Variants in KCNMA1 observed in about 807,000 individuals in gnomAD.
KCNMA1 encodes the protein Calcium-activated potassium channel subunit alpha-1.
In KCNMA1, 29 loss-of-function variants were observed where a neutral mutation model predicts 140.0. That is an observed-to-expected ratio of 0.21 (90% CI 0.15 to 0.28). The LOEUF is 0.28. Ranked by LOEUF, KCNMA1 falls within the 10% of genes least tolerant of loss-of-function variation. The probability of loss-of-function intolerance (pLI) is 1.00; values close to 1 mark genes in which losing one functional copy is unlikely to be tolerated. For synonymous variants in KCNMA1, 612 were observed against 611.9 expected, an observed-to-expected ratio of 1.00 and a Z score of 0.00; for missense variants, 880 against 1,602.2, an observed-to-expected ratio of 0.55 and a Z score of 7.70.
chr10:77,153,045 C>T (rs1031179111), intron 5 of KCNMA1, among the ~76,000 whole-genome samples: 1 of 152,154 alleles, frequency 6.6e-6, no homozygotes, highest in African/African-American at 2.4e-5. Context: ...CTTATAGATC[C>T]AGAGAAATGC....
intron 2 of KCNMA1, among the ~76,000 whole-genome samples, chr10:77,263,585 T>C (rs1050074531): frequency 1.3e-5 from 2 of 152,168 alleles, no homozygotes; most frequent in African/African-American, 4.8e-5. Context: ...TTTCATCTTC[T>C]ACAGCAAGGA....
intron 1 of KCNMA1, among the ~76,000 whole-genome samples, chr10:77,596,108 T>G (rs976384472): frequency 1.3e-5 from 2 of 152,112 alleles, no homozygotes; most frequent in African/African-American, 4.8e-5. Flanking sequence ...CCCCCAAACA[T>G]GTAATGTTCA....
At chr10:77,115,106 C>T (rs925127883) in intron 6 of KCNMA1, among the ~76,000 whole-genome samples, 1 of 152,216 alleles carries the variant, frequency 6.6e-6, no homozygotes, top group African/African-American at 2.4e-5. Context: ...TAACAACAAT[C>T]TTTCTTCTTC....
intron 19 of KCNMA1, 191 bp from the exon 20 acceptor site, chr10:76,970,258 C>A: frequency 3.2e-6 from 2 of 626,652 alleles, no homozygotes; most frequent in Non-Finnish European, 5.9e-6. Flanking sequence ...GAAGGCAACA[C>A]CTCTTTACAC....
In KCNMA1 at chr10:77,036,891, A is replaced by G. The variant is rs534347795; in HGVS notation, c.1859+2637T>C. Among the ~76,000 whole-genome samples, 20 of 152,328 alleles carry G rather than the reference A, an allele frequency of 1.3e-4. No individual in the cohort carries two copies. The South Asian group carries it at 2.7e-3, about 20-fold the overall frequency. Reference sequence around the variant, plus strand: ...AATCAAATGCTTGAGGAGAGCTTCAATGTTTTGGGATGTTCCTAAATCTCA... The same window carrying G: ...AATCAAATGCTTGAGGAGAGCTTCAGTGTTTTGGGATGTTCCTAAATCTCA... On this transcript the variant is annotated intron_variant, in intron 15 of 27. Coordinates refer to ENST00000286628, the MANE Select transcript of KCNMA1 (RefSeq NM_001161352.2).
intron 2 of KCNMA1, among the ~76,000 whole-genome samples, chr10:77,284,672 C>G (rs142905506): frequency 6.6e-6 from 1 of 152,060 alleles, no homozygotes; most frequent in Non-Finnish European, 1.5e-5. Context: ...TGGCATCACA[C>G]CCAGCTAATT....
intron 1 of KCNMA1, among the ~76,000 whole-genome samples, chr10:77,547,466 G>C (rs749016626): frequency 6.6e-6 from 1 of 152,308 alleles, no homozygotes; most frequent in Middle Eastern, 3.4e-3. Flanking sequence ...AGGGCATACA[G>C]AGCCAAGAAC....
At chr10:77,549,489 T>C (rs186224274) in intron 1 of KCNMA1, among the ~76,000 whole-genome samples, 2 of 152,196 alleles carry the variant, frequency 1.3e-5, no homozygotes, top group Non-Finnish European at 2.9e-5. Flanking sequence ...TCTGCCTCTT[T>C]GGGCTGAACT....
intron 1 of KCNMA1, among the ~76,000 whole-genome samples, chr10:77,501,360 A>G (rs1375389204): frequency 1.3e-5 from 2 of 152,082 alleles, no homozygotes; most frequent in Non-Finnish European, 2.9e-5. Flanking sequence ...CTGCCTCCCA[A>G]CACCCAGAGG....
intron 1 of KCNMA1, among the ~76,000 whole-genome samples, chr10:77,429,114 GC>G (rs1187239437): frequency 2.6e-5 from 4 of 152,276 alleles, no homozygotes; most frequent in Non-Finnish European, 5.9e-5. Flanking sequence ...AGTATGAAAG[GC>G]CTCACCTCTC....
At chr10:77,397,184 C>T (rs954136295) in intron 2 of KCNMA1, among the ~76,000 whole-genome samples, 1 of 150,928 alleles carries the variant, frequency 6.6e-6, no homozygotes, top group Non-Finnish European at 1.5e-5. Context: ...GAGTCTGTAA[C>T]GCTCCTTTAC....
At chr10:77,277,313 A>G (rs1283382903) in intron 2 of KCNMA1, among the ~76,000 whole-genome samples, 1 of 152,182 alleles carries the variant, frequency 6.6e-6, no homozygotes, top group Non-Finnish European at 1.5e-5. Context: ...CTTACCATAA[A>G]GAGGTCAACT....
chr10:77,224,305 A>T (rs941010997), intron 3 of KCNMA1, among the ~76,000 whole-genome samples: 3 of 152,202 alleles, frequency 2.0e-5, no homozygotes, highest in African/African-American at 7.2e-5. Context: ...TTTCTAAAAA[A>T]CTTTCAGTCC....
intron 2 of KCNMA1, among the ~76,000 whole-genome samples, chr10:77,368,537 C>A (rs1404300994): frequency 6.6e-6 from 1 of 152,272 alleles, no homozygotes; most frequent in South Asian, 2.1e-4. Context: ...ATAATAGTTT[C>A]TAATTTTGAC....
intron 1 of KCNMA1, among the ~76,000 whole-genome samples, chr10:77,502,928 T>C (rs768555621): frequency 2.0e-5 from 3 of 152,238 alleles, no homozygotes; most frequent in Non-Finnish European, 4.4e-5. Flanking sequence ...GTATAATCCA[T>C]ACTTGGACCA....
intron 1 of KCNMA1, among the ~76,000 whole-genome samples, chr10:77,421,931 G>A (rs1227658773): frequency 6.6e-6 from 1 of 152,214 alleles, no homozygotes; most frequent in Non-Finnish European, 1.5e-5. Flanking sequence ...CGGAACACCA[G>A]TCTGATGGGA....
intron 2 of KCNMA1, among the ~76,000 whole-genome samples, chr10:77,253,473 A>G (rs1353808910): frequency 6.6e-6 from 1 of 152,254 alleles, no homozygotes; most frequent in East Asian, 1.9e-4. Context: ...TGGCCAATGT[A>G]GCTGATCCTA....
At chr10:76,953,995 T>C in intron 20 of KCNMA1, 71 bp from the exon 21 acceptor site, 1 of 1,509,018 alleles carries the variant, frequency 6.6e-7, no homozygotes, top group Non-Finnish European at 9.1e-7. Context: ...GCCCCCTGAA[T>C]TACATCTCAG....
At chr10:77,455,090 G>A (rs1041422047) in intron 1 of KCNMA1, among the ~76,000 whole-genome samples, 6 of 152,152 alleles carry the variant, frequency 3.9e-5, no homozygotes. Flanking sequence ...GAATATATCA[G>A]CTTTGATCTC....
Sources: allele counts gnomAD v4.1 joint callset (sites outside exome capture counted in the v4.1 genomes callset), GRCh38; gene constraint gnomAD v4.1.1; transcripts MANE v1.5; gene names NCBI Gene and HGNC (gene_info 2026-07-23, HGNC 2026-07-21).